Variants in SPSB1 observed in about 807,000 individuals in gnomAD.
The protein encoded by SPSB1 is splA/ryanodine receptor domain and SOCS box containing 1, also known as SPRY domain-containing SOCS box protein 1.
A neutral mutation model predicts 21.2 loss-of-function variants in SPSB1; 8 were observed. The ratio of observed to expected loss-of-function variants is 0.38; its 90% CI spans 0.22 to 0.68. The LOEUF (loss-of-function observed/expected upper bound fraction) is 0.68, where lower values mean the gene tolerates loss of function less well. SPSB1 is among the 30% of genes least tolerant of loss of function. The probability of loss-of-function intolerance (pLI) is 0.53; values close to 1 mark genes in which losing one functional copy is unlikely to be tolerated. For missense variants in SPSB1, 242 were observed against 377.8 expected (o/e 0.64, Z 2.98); for synonymous variants, 169 against 161.7 (o/e 1.05, Z -0.34).
intron 1 of SPSB1, among the ~76,000 whole-genome samples, chr1:9,301,351 T>G (rs1258449953): frequency 6.6e-6 from 1 of 151,876 alleles, no homozygotes; most frequent in East Asian, 1.9e-4. Context: ...AAATAAAAAA[T>G]TAGCTGGGCG....
intron 1 of SPSB1, among the ~76,000 whole-genome samples, chr1:9,326,183 G>A (rs1022529953): frequency 1.3e-5 from 2 of 151,954 alleles, no homozygotes; most frequent in African/African-American, 4.8e-5. Flanking sequence ...ATTGGTTGAG[G>A]TTTTGGTGCT....
In SPSB1 at chr1:9,356,128, G is replaced by A. The variant is rs753185303; in HGVS notation, c.237G>A (p.Pro79=). ...EDDKLIFHRH[P]VAQSTDAIRG... ...ACAAGCTCATCTTTCACCGGCATCC[G>A]GTGGCCCAGAGCACGGACGCTATCA... Residue 79 remains proline, a synonymous_variant, in exon 2 of 3, where the codon CCG becomes CCA. Coordinates refer to ENST00000328089, the MANE Select transcript of SPSB1 (RefSeq NM_025106.4). This position sits in a 1 kb window ranked among gnomAD's most constrained non-coding sequence, Gnocchi z 7.4. 2.1e-5 allele frequency: 34 copies of A among 1,600,040 alleles called. No homozygotes were observed. The highest frequency in any genetic ancestry group is 4.5e-5 in the East Asian group (2 of 44,664).
At chr1:9,312,743 A>G (rs1208587976) in intron 1 of SPSB1, among the ~76,000 whole-genome samples, 1 of 151,896 alleles carries the variant, frequency 6.6e-6, no homozygotes, top group Non-Finnish European at 1.5e-5. Context: ...TTTGGGTTTT[A>G]TTATTATTAT....
At chr1:9,357,192 G>A (rs557114028) in intron 2 of SPSB1, among the ~76,000 whole-genome samples, 2 of 151,272 alleles carry the variant, frequency 1.3e-5, no homozygotes, top group East Asian at 4.0e-4. Flanking sequence ...TGAGTGGATG[G>A]ATGGATGGGT....
intron 1 of SPSB1, among the ~76,000 whole-genome samples, chr1:9,323,194 A>T (rs954653320): frequency 2.6e-5 from 4 of 152,200 alleles, no homozygotes; most frequent in South Asian, 2.1e-4. Context: ...CCCGGCACTC[A>T]GCCTTTTCGC....
At chr1:9,314,528 A>T (rs1639578357) in intron 1 of SPSB1, among the ~76,000 whole-genome samples, 3 of 152,194 alleles carry the variant, frequency 2.0e-5, no homozygotes, top group Admixed American at 1.3e-4. Flanking sequence ...AGAGAGAGGC[A>T]GGTTAGCGAA....
At chr1:9,304,951 C>T (rs898187929) in intron 1 of SPSB1, among the ~76,000 whole-genome samples, 5 of 152,124 alleles carry the variant, frequency 3.3e-5, no homozygotes, top group Non-Finnish European at 5.9e-5. Flanking sequence ...TGAGCCACAG[C>T]GCTCACCCTC....
chr1:9,306,976 A>G (rs1269126154), intron 1 of SPSB1, among the ~76,000 whole-genome samples: 1 of 144,570 alleles, frequency 6.9e-6, no homozygotes, highest in Non-Finnish European at 1.5e-5. Flanking sequence ...CATTCAGGCT[A>G]GGGTGCAGCG....
At position 9,292,992 on chromosome 1, in the gene SPSB1, C is replaced by G; in HGVS notation, c.-229C>G. 1.0e-6 allele frequency: 1 copy of G among 983,186 alleles called. No individual in the cohort carries two copies. Among genetic ancestry groups the G allele is most frequent in the Non-Finnish European group, 1.2e-6 (1 of 828,810 alleles). The allele number at this position is 983,186 out of a possible 1,614,324, so 60.9% of individuals were successfully genotyped here. A position where few individuals can be genotyped will look rare whatever the true frequency, so the allele number is the denominator to read the frequency against. ...GGGCCGCGGGGAGGAGGCGACTTCG[C>G]TCCCTGCGGCGGGCGCGGCCCGGGC... On this transcript the variant is annotated 5_prime_UTR_variant, in exon 1 of 3. Coordinates refer to ENST00000328089, the MANE Select transcript of SPSB1 (RefSeq NM_025106.4).
intron 1 of SPSB1, among the ~76,000 whole-genome samples, chr1:9,332,397 T>C (rs1219508190): frequency 2.6e-5 from 4 of 151,974 alleles, no homozygotes; most frequent in Non-Finnish European, 4.4e-5. Flanking sequence ...TTGAGGGAGA[T>C]GAGGGGTTTG....
In SPSB1 at chr1:9,367,962, A is replaced by G. The variant is rs772979732; in HGVS notation, c.*387A>G. On this transcript the variant is annotated 3_prime_UTR_variant, in exon 3 of 3. Coordinates refer to ENST00000328089, the MANE Select transcript of SPSB1 (RefSeq NM_025106.4). This position sits in a 1 kb window ranked among gnomAD's most constrained non-coding sequence, Gnocchi z 5.9. ...GGGGTCCCAGGGTGGTGGGGGTGGCAGGTGGTACCACAGCTCTGAGAGCAG... is the reference window on the plus strand; with the variant it reads ...GGGGTCCCAGGGTGGTGGGGGTGGCGGGTGGTACCACAGCTCTGAGAGCAG... 9.3e-5 allele frequency: 19 copies of G among 204,060 alleles called. No individual in the cohort carries two copies. The highest frequency in any genetic ancestry group is 1.2e-4 in the Non-Finnish European group (12 of 99,148). 12.6% of individuals were successfully genotyped at this position (204,060 alleles called of 1,614,324 possible).
chr1:9,335,627 C>T (rs1426749654), intron 1 of SPSB1, among the ~76,000 whole-genome samples: 1 of 152,032 alleles, frequency 6.6e-6, no homozygotes, highest in African/African-American at 2.4e-5. Context: ...TGGGGGAGAT[C>T]CCATCTCTAC....
rs1404653836 is a variant in SPSB1, at chr1:9,346,840, G to A, written c.-149-8903G>A. Among the ~76,000 whole-genome samples, 1 of 152,252 alleles carries A rather than the reference G, an allele frequency of 6.6e-6. No homozygotes were observed. Among genetic ancestry groups the A allele is most frequent in the African/African-American group, 2.4e-5 (1 of 41,460 alleles). ...CCTGGCTGGGTATGGGGACGGACCA[G>A]CTGTTCTCTTCTTGTGTTCTGGGTC... On this transcript the variant is annotated intron_variant, in intron 1 of 2. Coordinates refer to ENST00000328089, the MANE Select transcript of SPSB1 (RefSeq NM_025106.4). The surrounding 1 kb of genome is among the most constrained non-coding windows in gnomAD (Gnocchi z 4.4).
rs1639784091 is a variant in SPSB1 at position 9,324,707 on chromosome 1, A to G, written c.-149-31036A>G. 6.6e-6 allele frequency among the ~76,000 whole-genome samples: 1 copy of G among 152,174 alleles called. No individual in the cohort carries two copies. The highest frequency in any genetic ancestry group is 2.4e-5 in the African/African-American group (1 of 41,434). ...TGGCAGGAGGCAGCGGCCAGCCAGC[A>G]TCTCCCGGAGCCCAGAATCTCTCTG... is the stretch of plus-strand genomic sequence containing the variant. On this transcript the variant is annotated intron_variant, in intron 1 of 2. Transcript: ENST00000328089. This position sits in a 1 kb window ranked among gnomAD's most constrained non-coding sequence, Gnocchi z 4.3.
At position 9,293,007 on chromosome 1, in the gene SPSB1, G is replaced by C; in HGVS notation, c.-214G>C. ...GGCGACTTCGCTCCCTGCGGCGGGC[G>C]CGGCCCGGGCGCCCGAGCCTCCTCG... On this transcript the variant is annotated 5_prime_UTR_variant, in exon 1 of 3. Transcript: ENST00000328089. The surrounding 1 kb of genome is among the most constrained non-coding windows in gnomAD (Gnocchi z 5.1). The C allele has an allele frequency of 1.0e-6, 1 of 981,504 alleles. No homozygotes were observed. The highest frequency in any genetic ancestry group is 1.2e-6 in the Non-Finnish European group (1 of 827,410). 60.8% of individuals were successfully genotyped at this position (981,504 alleles called of 1,614,324 possible).
intron 1 of SPSB1, among the ~76,000 whole-genome samples, chr1:9,311,093 C>T (rs956963013): frequency 9.2e-5 from 14 of 151,790 alleles, no homozygotes; most frequent in Non-Finnish European, 1.8e-4. Context: ...GCCTCCCAGG[C>T]TCCCTGAAAG....
intron 2 of SPSB1, among the ~76,000 whole-genome samples, chr1:9,357,176 G>A (rs1292249275): frequency 6.6e-6 from 1 of 150,608 alleles, no homozygotes; most frequent in Non-Finnish European, 1.5e-5. Flanking sequence ...TGGATGGGTG[G>A]ATGGATGAGT....
intron 1 of SPSB1, among the ~76,000 whole-genome samples, chr1:9,309,551 G>T (rs571947089): frequency 3.9e-5 from 6 of 152,096 alleles, no homozygotes; most frequent in African/African-American, 1.4e-4. Context: ...CATTTAAAAC[G>T]TGGTAATCAG....
chr1:9,341,795 C>G (rs540359460), intron 1 of SPSB1, among the ~76,000 whole-genome samples: 1 of 152,202 alleles, frequency 6.6e-6, no homozygotes. Context: ...CTCCACCTCC[C>G]GGGTTCAAGC....
Sources: allele counts gnomAD v4.1 joint callset (sites outside exome capture counted in the v4.1 genomes callset), GRCh38; gene constraint gnomAD v4.1.1; non-coding constraint Gnocchi (gnomAD v3.1); transcripts MANE v1.5; gene names NCBI Gene and HGNC (gene_info 2026-07-23, HGNC 2026-07-21).